The following FGF11 variants were observed in gnomAD, a reference collection of about 807,000 sequenced individuals.
FGF11 encodes the protein fibroblast growth factor homologous factor 3.
FGF11 carries 25 observed loss-of-function variants against 25.1 expected under a neutral mutation model. The ratio of observed to expected loss-of-function variants is 1.00; its 90% CI spans 0.73 to 1.39. The LOEUF (loss-of-function observed/expected upper bound fraction) is 1.39, where lower values mean the gene tolerates loss of function less well. Among genes scored for constraint, FGF11 ranks in the 40% most tolerant of loss-of-function variants. The probability of loss-of-function intolerance (pLI) is 0.00; values close to 1 mark genes in which losing one functional copy is unlikely to be tolerated. For synonymous variants in FGF11, 130 were observed against 128.9 expected, an observed-to-expected ratio of 1.01 and a Z score of -0.06; for missense variants, 320 against 311.0, an observed-to-expected ratio of 1.03 and a Z score of -0.22.
chr17:7,442,830 G>C, intron 4 of FGF11, 38 bp downstream of exon 4: 1 of 1,598,580 alleles, frequency 6.3e-7, no homozygotes, highest in East Asian at 2.2e-5. Context: ...CCACAGGAGA[G>C]GGTATTGACC....
chr17:7,439,612 C>A lies in FGF11; in HGVS notation c.-9C>A. The A allele has an allele frequency of 7.1e-7, 1 of 1,418,184 alleles. No homozygotes were observed. The highest frequency in any genetic ancestry group is 9.1e-7 in the Non-Finnish European group (1 of 1,095,082). The allele number at this position is 1,418,184 out of a possible 1,614,324, so 87.9% of individuals were successfully genotyped here. A position where few individuals can be genotyped will look rare whatever the true frequency, so the allele number is the denominator to read the frequency against. On this transcript the variant is annotated 5_prime_UTR_variant, in exon 1 of 5. Transcript: ENST00000293829. ...CTGCCGGTTTGGGGGTGTCTCCTCC[C>A]GGGGCGCTATGGCGGCGCTGGCCAG...
Position 7,442,625 on chromosome 17 carries a change from AGT to A in FGF11, c.445_446del (p.Val149LeufsTer2). 1 of 1,613,952 alleles carries A rather than the reference AGT, an allele frequency of 6.2e-7. No individual in the cohort carries two copies. The highest frequency in any genetic ancestry group is 2.2e-5 in the East Asian group (1 of 44,872). ...TTCACAGCTGAGTGTCGCTTTAAGG[AGT>A]GTGTCTTTGAGAATTACTACGTCCT... On this transcript the variant is annotated frameshift_variant, in exon 4 of 5. Coordinates refer to ENST00000293829, the MANE Select transcript of FGF11 (RefSeq NM_004112.4). LOFTEE classifies it high-confidence loss of function.
chr17:7,443,290 G>T lies in FGF11; in HGVS notation c.*144G>T. ...CCACTAGGTGCTCTACCCTGAGGGA[G>T]CCTAGGGGCTGACTGTGACTTCCGA... is the stretch of plus-strand genomic sequence containing the variant. On this transcript the variant is annotated 3_prime_UTR_variant, in exon 5 of 5. Coordinates refer to ENST00000293829, the MANE Select transcript of FGF11 (RefSeq NM_004112.4). 1 of 593,604 alleles carries T rather than the reference G, an allele frequency of 1.7e-6. No individual in the cohort carries two copies. Among genetic ancestry groups the T allele is most frequent in the African/African-American group, 1.9e-5 (1 of 53,818 alleles). The allele number at this position is 593,604 out of a possible 1,614,324, so 36.8% of individuals were successfully genotyped here.
In FGF11 at chr17:7,441,501, T is replaced by C. The variant is rs1224225866; in HGVS notation, c.224T>C (p.Leu75Pro). ...EPQLKGIVTK[L>P]FCRQGFYLQA... ...CAGCTCAAAGGCATCGTCACCAAAC[T>C]GTTCTGCCGCCAGGGTTTCTACCTC... is the stretch of plus-strand genomic sequence containing the variant. The change falls in exon 2 of 5, where the codon CTG (leucine) becomes CCG (proline). Residue 75 changes from leucine to proline, a missense_variant. Transcript: ENST00000293829. 1.9e-6 allele frequency: 3 copies of C among 1,614,130 alleles called. No individual in the cohort carries two copies. The highest frequency in any genetic ancestry group is 2.5e-6 in the Non-Finnish European group (3 of 1,180,014).
intron 3 of FGF11, 103 bp downstream of exon 3, chr17:7,441,982 C>A (rs984521721): frequency 1.7e-5 from 14 of 845,298 alleles, no homozygotes; most frequent in Non-Finnish European, 2.3e-5. Flanking sequence ...ACATTTTGCC[C>A]GGGACTCCTC....
intron 1 of FGF11, chr17:7,441,202 G>T (rs1908306320): frequency 1.1e-5 from 4 of 367,322 alleles, no homozygotes; most frequent in Admixed American, 3.7e-5. Context: ...CCTTCTGGTT[G>T]AGCTGTAGGG....
chr17:7,442,584 G>A lies in FGF11; in HGVS notation c.409-10G>A. 1 of 1,614,052 alleles carries A rather than the reference G, an allele frequency of 6.2e-7. No individual in the cohort carries two copies. Among genetic ancestry groups the A allele is most frequent in the Non-Finnish European group, 8.5e-7 (1 of 1,179,996 alleles). On this transcript the variant is annotated splice_polypyrimidine_tract_variant and intron_variant, in intron 3 of 4. Coordinates refer to ENST00000293829, the MANE Select transcript of FGF11 (RefSeq NM_004112.4). ...TCTTTGTGCGCCTTTCTGGGTCTTTGTCTCCTTAGCCGCATTTCACAGCTG... is the reference window on the plus strand; with the variant it reads ...TCTTTGTGCGCCTTTCTGGGTCTTTATCTCCTTAGCCGCATTTCACAGCTG...
Position 7,440,939 on chromosome 17 carries a change from A to G in FGF11, c.194-532A>G, listed in dbSNP as rs1202532035. ...AGACAGACAGACAGACAGATGGGTC[A>G]GTGTCAGACAGGCCGGCGCTGGGCC... On this transcript the variant is annotated intron_variant, in intron 1 of 4. Coordinates refer to ENST00000293829, the MANE Select transcript of FGF11 (RefSeq NM_004112.4). The surrounding 1 kb of genome is among the most constrained non-coding windows in gnomAD (Gnocchi z 5.4). 2.0e-6 allele frequency: 2 copies of G among 992,296 alleles called. No individual in the cohort carries two copies. The highest frequency in any genetic ancestry group is 1.7e-5 in the African/African-American group (1 of 57,260). 61.5% of individuals were successfully genotyped at this position (992,296 alleles called of 1,614,324 possible). A position where few individuals can be genotyped will look rare whatever the true frequency, so the allele number is the denominator to read the frequency against.
upstream of FGF11, chr17:7,439,245 T>C (rs533536833): frequency 1.1e-4 from 21 of 186,218 alleles, no homozygotes; most frequent in East Asian, 2.3e-3. Context: ...AGTGGAAAGG[T>C]GCCTGAAGAT....
rs911305438 is a variant in FGF11, at chr17:7,440,658, C to T, written c.194-813C>T. ...GTCCCTCTGGCCCTGCTCCCGCCCG[C>T]TCCCAGCTCCCCTAAGGGTAGCCAC... On this transcript the variant is annotated intron_variant, in intron 1 of 4. Transcript: ENST00000293829. The surrounding 1 kb of genome is among the most constrained non-coding windows in gnomAD (Gnocchi z 5.4). The T allele has an allele frequency of 2.0e-6, 2 of 985,392 alleles. No individual in the cohort carries two copies. Among genetic ancestry groups the T allele is most frequent in the African/African-American group, 3.5e-5 (2 of 57,084 alleles). The allele number at this position is 985,392 out of a possible 1,614,324, so 61.0% of individuals were successfully genotyped here.
chr17:7,443,259 C>T lies in FGF11; in HGVS notation c.*113C>T. 2.9e-6 allele frequency: 2 copies of T among 685,940 alleles called. No individual in the cohort carries two copies. Among genetic ancestry groups the T allele is most frequent in the East Asian group, 5.4e-5 (2 of 37,142 alleles). 42.5% of individuals were successfully genotyped at this position (685,940 alleles called of 1,614,324 possible). A position where few individuals can be genotyped will look rare whatever the true frequency, so the allele number is the denominator to read the frequency against. On this transcript the variant is annotated 3_prime_UTR_variant, in exon 5 of 5. Coordinates refer to ENST00000293829, the MANE Select transcript of FGF11 (RefSeq NM_004112.4). ...CTGCCACACACATGCCCTGAGCAGCCAGGTCCCACTAGGTGCTCTACCCTG... is the reference window on the plus strand; with the variant it reads ...CTGCCACACACATGCCCTGAGCAGCTAGGTCCCACTAGGTGCTCTACCCTG...
In FGF11 at chr17:7,439,528, G is replaced by A; in HGVS notation, c.-93G>A. On this transcript the variant is annotated 5_prime_UTR_variant, in exon 1 of 5. Transcript: ENST00000293829. ...TGGGGCAGCGAGTCGGGGCCTGAGC[G>A]TCAAGAGCATGCCCTAGTGAGCGGG... 3.7e-6 allele frequency: 4 copies of A among 1,085,098 alleles called. No individual in the cohort carries two copies. The highest frequency in any genetic ancestry group is 4.9e-6 in the Non-Finnish European group (4 of 810,628). The allele number at this position is 1,085,098 out of a possible 1,614,324, so 67.2% of individuals were successfully genotyped here.
At chr17:7,441,178 C>T (rs4151125) in intron 1 of FGF11, 56,767 of 355,114 alleles carry the variant, frequency 0.16, 5,363 homozygotes, top group South Asian at 0.21. Context: ...CTCCCTCCTC[C>T]CCCACTCCTT....
rs1908338849 is a variant in FGF11, at chr17:7,441,782, T to C, written c.311T>C (p.Phe104Ser). The C allele has an allele frequency of 2.5e-6, 4 of 1,605,312 alleles. No homozygotes were observed. Among genetic ancestry groups the C allele is most frequent in the Non-Finnish European group, 3.4e-6 (4 of 1,175,542 alleles). ...TPEDTSSFTHFNLIPVGLRVV... is the reference protein window; with the variant it reads ...TPEDTSSFTHSNLIPVGLRVV... ...TCCCTCTCTCCACCTGCAGCCCACT[T>C]CAACCTGATCCCTGTGGGCCTCCGT... The change falls in exon 3 of 5, where the codon TTC becomes TCC. Residue 104 changes from phenylalanine to serine, a missense_variant. Coordinates refer to ENST00000293829, the MANE Select transcript of FGF11 (RefSeq NM_004112.4).
chr17:7,441,631 G>T, intron 2 of FGF11, 50 bp downstream of exon 2: 1 of 1,610,846 alleles, frequency 6.2e-7, no homozygotes, highest in Middle Eastern at 1.7e-4. Context: ...ATGGGGACAG[G>T]AGATGACAAT....
rs541765810 is a variant in FGF11, at chr17:7,444,540, A to C, written c.*1394A>C. ...TTGCACTCCAGACCTCATACGCCCC[A>C]ACAGCTTCTAATTGGATAGAACTTG... is the stretch of plus-strand genomic sequence containing the variant. On this transcript the variant is annotated 3_prime_UTR_variant, in exon 5 of 5. Coordinates refer to ENST00000293829, the MANE Select transcript of FGF11 (RefSeq NM_004112.4). 6 of 160,586 alleles carry C rather than the reference A, an allele frequency of 3.7e-5. No homozygotes were observed. Among genetic ancestry groups the C allele is most frequent in the African/African-American group, 1.4e-4 (6 of 41,564 alleles). The allele number at this position is 160,586 out of a possible 1,614,324, so 9.9% of individuals were successfully genotyped here.
intron 3 of FGF11, 167 bp downstream of exon 3, chr17:7,442,046 T>TA (rs1430147892): frequency 1.7e-6 from 1 of 582,272 alleles, no homozygotes; most frequent in African/African-American, 1.9e-5. Context: ...CCAGCTCCTC[T>TA]AGGGTCTCTC....
chr17:7,441,258 G>T, intron 1 of FGF11: 1 of 579,050 alleles, frequency 1.7e-6, no homozygotes, highest in Non-Finnish European at 3.0e-6. Flanking sequence ...TACACTGAAA[G>T]CTCCTGGTTA....
chr17:7,441,606 G>T, intron 2 of FGF11, 25 bp downstream of exon 2: 1 of 1,613,966 alleles, frequency 6.2e-7, no homozygotes, highest in Non-Finnish European at 8.5e-7. Context: ...TGGCTGCAGG[G>T]TGGGAAGGGG....
Sources: gnomAD v4.1 joint callset for allele counts on GRCh38, gnomAD v4.1.1 for gene constraint, Gnocchi (gnomAD v3.1) non-coding constraint, MANE v1.5 for transcripts, NCBI Gene and HGNC (gene_info 2026-07-23, HGNC 2026-07-21) for gene names.